GALNT17: variants seen among roughly 807,000 people sequenced by gnomAD.
GALNT17 encodes the protein polypeptide N-acetylgalactosaminyltransferase 17, also known as UDP-GalNAc:polypeptide N-acetylgalactosaminyltransferase-like 3.
In GALNT17, 29 loss-of-function variants were observed where a neutral mutation model predicts 63.7. The ratio of observed to expected loss-of-function variants is 0.46; its 90% CI spans 0.34 to 0.62. The LOEUF is 0.62. GALNT17 is among the 20% of genes least tolerant of loss of function. The probability of loss-of-function intolerance (pLI) is 0.01; values close to 1 mark genes in which losing one functional copy is unlikely to be tolerated. For synonymous variants in GALNT17, 305 were observed against 318.3 expected (o/e 0.96, Z 0.45); for missense variants, 603 against 799.6 (o/e 0.75, Z 2.97).
rs546694619 is a variant in GALNT17 at position 71,266,402 on chromosome 7, G to T, written c.239-69148G>T. 2.6e-5 allele frequency among the ~76,000 whole-genome samples: 4 copies of T among 152,274 alleles called. No homozygotes were observed. In the South Asian group the frequency reaches 8.3e-4, roughly 32 times the overall value. ...CCTCATGAGATCTGGTTGTTTGAAAGCATAGCACTTCCCACTTTGCTTTCT... is the reference window on the plus strand; with the variant it reads ...CCTCATGAGATCTGGTTGTTTGAAATCATAGCACTTCCCACTTTGCTTTCT... On this transcript the variant is annotated intron_variant, in intron 1 of 10. Transcript: ENST00000333538.
intron 1 of GALNT17, among the ~76,000 whole-genome samples, chr7:71,263,092 A>C (rs576220632): frequency 6.6e-6 from 1 of 152,090 alleles, no homozygotes; most frequent in Non-Finnish European, 1.5e-5. Context: ...CCAAGGAGAG[A>C]GGCCTGCAGA....
chr7:71,680,802 TTCC>T (rs1791248258), intron 9 of GALNT17, among the ~76,000 whole-genome samples: 1 of 147,836 alleles, frequency 6.8e-6, no homozygotes, highest in Non-Finnish European at 1.5e-5. Context: ...CCTTCCTTCC[TTCC>T]TTTCTTCCTT....
At chr7:71,389,255 T>C (rs1471436960) in intron 3 of GALNT17, among the ~76,000 whole-genome samples, 2 of 151,972 alleles carry the variant, frequency 1.3e-5, no homozygotes, top group African/African-American at 4.8e-5. Context: ...TGCCTTAGCC[T>C]CCCGAGTAGC....
At chr7:71,592,058 A>G (rs1789810576) in intron 6 of GALNT17, among the ~76,000 whole-genome samples, 1 of 152,142 alleles carries the variant, frequency 6.6e-6, no homozygotes, top group South Asian at 2.1e-4. Context: ...CTGTGGGACC[A>G]ATGCTTTTTG....
chr7:71,616,974 A>G (rs1562711778), intron 6 of GALNT17, among the ~76,000 whole-genome samples: 1 of 50,440 alleles, frequency 2.0e-5, no homozygotes, highest in South Asian at 7.2e-4. Flanking sequence ...ATATGAATAT[A>G]TTAGTTCTAT....
chr7:71,339,820 C>T (rs1281847303), intron 2 of GALNT17, among the ~76,000 whole-genome samples: 6 of 152,058 alleles, frequency 3.9e-5, no homozygotes, highest in Non-Finnish European at 5.9e-5. Flanking sequence ...CCAATATTGC[C>T]GTGTGATGTA....
At chr7:71,441,277 T>C (rs1319890118) in intron 5 of GALNT17, among the ~76,000 whole-genome samples, 3 of 152,092 alleles carry the variant, frequency 2.0e-5, no homozygotes, top group African/African-American at 7.2e-5. Flanking sequence ...CACCTTGGCC[T>C]CCCATACCAA....
At chr7:71,319,656 T>C (rs1562999210) in intron 1 of GALNT17, among the ~76,000 whole-genome samples, 1 of 152,194 alleles carries the variant, frequency 6.6e-6, no homozygotes, top group Non-Finnish European at 1.5e-5. Flanking sequence ...ACCAAACTCT[T>C]GATTCCATGT....
chr7:71,711,836 TTC>T (rs929233905), intron 10 of GALNT17, among the ~76,000 whole-genome samples, 180 bp from the exon 11 acceptor site: 6 of 151,136 alleles, frequency 4.0e-5, no homozygotes, highest in South Asian at 2.1e-4. Flanking sequence ...TTCCCTCTTT[TTC>T]TCTCTCTCCT....
chr7:71,672,470 A>G (rs1791084867), intron 8 of GALNT17, among the ~76,000 whole-genome samples: 1 of 152,260 alleles, frequency 6.6e-6, no homozygotes, highest in Admixed American at 6.5e-5. Context: ...TCAACTGAGT[A>G]GAGAAATAAT....
chr7:71,598,842 C>T (rs1789925469), intron 6 of GALNT17, among the ~76,000 whole-genome samples: 1 of 147,688 alleles, frequency 6.8e-6, no homozygotes, highest in South Asian at 2.1e-4. Context: ...AGGAAAAGTA[C>T]TGAGTGCTAT....
At chr7:71,333,650 A>G (rs1791845458) in intron 1 of GALNT17, among the ~76,000 whole-genome samples, 2 of 152,228 alleles carry the variant, frequency 1.3e-5, no homozygotes, top group South Asian at 4.1e-4. Context: ...ACAGGTGCAC[A>G]TCACCACACT....
intron 5 of GALNT17, among the ~76,000 whole-genome samples, chr7:71,530,166 G>C (rs1788692928): frequency 6.6e-6 from 1 of 152,082 alleles, no homozygotes; most frequent in African/African-American, 2.4e-5. Context: ...GGACCCAGGG[G>C]GCAAGTCCTG....
intron 8 of GALNT17, 81 bp from the exon 9 acceptor site, chr7:71,677,130 A>G: frequency 1.4e-6 from 2 of 1,462,760 alleles, no homozygotes; most frequent in South Asian, 2.3e-5. Flanking sequence ...AGTTGGAACC[A>G]AGCCATGGTA....
chr7:71,520,151 A>G (rs1021497920), intron 5 of GALNT17, among the ~76,000 whole-genome samples: 4 of 152,096 alleles, frequency 2.6e-5, no homozygotes, highest in South Asian at 4.1e-4. Flanking sequence ...CATTGTATGT[A>G]TGGCGTCTCA....
intron 6 of GALNT17, among the ~76,000 whole-genome samples, chr7:71,579,973 T>C (rs1789606327): frequency 6.6e-6 from 1 of 151,424 alleles, no homozygotes; most frequent in South Asian, 2.1e-4. Flanking sequence ...ATGATAGAGA[T>C]AGATGATAGA....
intron 5 of GALNT17, among the ~76,000 whole-genome samples, chr7:71,426,874 A>C (rs896513293): frequency 7.9e-5 from 12 of 151,122 alleles, no homozygotes; most frequent in Non-Finnish European, 1.8e-4. Flanking sequence ...AGCCAAGATC[A>C]TACCACCTGC....
chr7:71,344,982 C>T (rs1384154228), intron 2 of GALNT17, among the ~76,000 whole-genome samples: 4 of 151,636 alleles, frequency 2.6e-5, no homozygotes, highest in South Asian at 2.1e-4. Context: ...TCTGCTTGTC[C>T]GGCGTTTCCC....
chr7:71,346,458 A>G (rs1410504183), intron 2 of GALNT17, among the ~76,000 whole-genome samples: 2 of 151,986 alleles, frequency 1.3e-5, no homozygotes, highest in Non-Finnish European at 2.9e-5. Context: ...ATTTAAATTT[A>G]ACTGCTCTCT....
Sources: allele counts gnomAD v4.1 joint callset (sites outside exome capture counted in the v4.1 genomes callset), GRCh38; gene constraint gnomAD v4.1.1; transcripts MANE v1.5; gene names NCBI Gene and HGNC (gene_info 2026-07-23, HGNC 2026-07-21).